The following SCFD1 variants were observed in gnomAD, a reference collection of about 807,000 sequenced individuals.
SCFD1 encodes sec1 family domain-containing protein 1.
In SCFD1, 37 loss-of-function variants were observed where a neutral mutation model predicts 103.2. The observed-to-expected ratio is 0.36, with a 90% CI of 0.28 to 0.47. The LOEUF is 0.47. Ranked by LOEUF, SCFD1 falls within the 20% of genes least tolerant of loss-of-function variation. SCFD1 has a pLI of 1.00. For synonymous variants in SCFD1, 264 were observed against 245.0 expected (o/e 1.08, Z -0.73); for missense variants, 639 against 761.2 (o/e 0.84, Z 1.89).
intron 11 of SCFD1, among the ~76,000 whole-genome samples, chr14:30,671,268 C>T (rs1888514329): frequency 6.6e-6 from 1 of 151,956 alleles, no homozygotes; most frequent in African/African-American, 2.4e-5. Flanking sequence ...TTGACTTTCT[C>T]TGCAGAGAAA....
At chr14:30,713,947 CTT>C (rs1350748396) in intron 19 of SCFD1, among the ~76,000 whole-genome samples, 1 of 152,072 alleles carries the variant, frequency 6.6e-6, no homozygotes, top group East Asian at 1.9e-4. Context: ...ATTTTAAAAT[CTT>C]TATTTAAAGC....
chr14:30,665,614 C>G (rs1887879094), intron 10 of SCFD1, among the ~76,000 whole-genome samples: 1 of 152,120 alleles, frequency 6.6e-6, no homozygotes, highest in African/African-American at 2.4e-5. Flanking sequence ...GATAAAGAGT[C>G]AAGACCCATC....
At chr14:30,650,324 T>C (rs889379606) in intron 8 of SCFD1, among the ~76,000 whole-genome samples, 52 of 152,192 alleles carry the variant, frequency 3.4e-4, no homozygotes, top group African/African-American at 1.3e-3. Flanking sequence ...AATTAGTCAA[T>C]GAAAGGTTCT....
At chr14:30,725,142 C>G (rs547992128) in intron 23 of SCFD1, among the ~76,000 whole-genome samples, 8 of 152,012 alleles carry the variant, frequency 5.3e-5, no homozygotes, top group African/African-American at 1.9e-4. Flanking sequence ...TGTTCTTTTT[C>G]CTTACGATTG....
chr14:30,683,339 A>G, intron 14 of SCFD1: 1 of 610,294 alleles, frequency 1.6e-6, no homozygotes, highest in South Asian at 1.8e-5. Flanking sequence ...AAGGGTAGTC[A>G]CTGGGGAACT....
chr14:30,642,202 C>T (rs1027539919), intron 6 of SCFD1, among the ~76,000 whole-genome samples: 1 of 152,130 alleles, frequency 6.6e-6, no homozygotes, highest in Non-Finnish European at 1.5e-5. Flanking sequence ...ATCCTCCTGC[C>T]TCAGCCTCCC....
chr14:30,700,219 T>C lies in SCFD1; in HGVS notation c.1371T>C (p.Phe457=), dbSNP rs1469610519. The C allele has an allele frequency of 1.2e-6, 2 of 1,611,632 alleles. No homozygotes were observed. The highest frequency in any genetic ancestry group is 1.7e-6 in the Non-Finnish European group (2 of 1,177,936). Residue 457 remains phenylalanine, a synonymous_variant, in exon 16 of 25, where the codon TTT becomes TTC. Coordinates refer to ENST00000458591, the MANE Select transcript of SCFD1 (RefSeq NM_016106.4). ...AGTPEDKMRL[F]LIYYISTQQA... ...CTCCAGAAGATAAAATGAGGTTGTT[T>C]CTTATCTATTATATAAGCACACAGC...
rs1166051123 is a variant in SCFD1 at position 30,664,877 on chromosome 14, C to T, written c.856-5379C>T. On this transcript the variant is annotated intron_variant, in intron 10 of 24. Coordinates refer to ENST00000458591, the MANE Select transcript of SCFD1 (RefSeq NM_016106.4). ...AGTAAAAAGAAATGAACAAAGCCTC[C>T]AAGAAATGTGGGACTATGTGAAAAG... Among the ~76,000 whole-genome samples, 4 of 152,078 alleles carry T rather than the reference C, an allele frequency of 2.6e-5. No individual in the cohort carries two copies. In the East Asian group the frequency reaches 7.7e-4, roughly 29 times the overall value.
At chr14:30,733,183 T>C (rs1014945184) in intron 23 of SCFD1, among the ~76,000 whole-genome samples, 1 of 152,060 alleles carries the variant, frequency 6.6e-6, no homozygotes, top group African/African-American at 2.4e-5. Flanking sequence ...CTAATTTTTG[T>C]ATTTTTAGTA....
At chr14:30,667,409 A>C (rs1171110179) in intron 10 of SCFD1, among the ~76,000 whole-genome samples, 1 of 152,204 alleles carries the variant, frequency 6.6e-6, no homozygotes, top group Non-Finnish European at 1.5e-5. Flanking sequence ...CGTATCTCAA[A>C]ATAATAAGAC....
chr14:30,640,626 T>C (rs1292710257), intron 6 of SCFD1, among the ~76,000 whole-genome samples: 2 of 152,080 alleles, frequency 1.3e-5, no homozygotes, highest in Non-Finnish European at 2.9e-5. Flanking sequence ...GAAAAATTGG[T>C]GTGTTGAATT....
chr14:30,636,487 T>A (rs1884734840), intron 4 of SCFD1, among the ~76,000 whole-genome samples: 1 of 152,092 alleles, frequency 6.6e-6, no homozygotes, highest in Non-Finnish European at 1.5e-5. Context: ...AAGAGACTAT[T>A]CTTTCCCTAG....
intron 14 of SCFD1, among the ~76,000 whole-genome samples, chr14:30,681,993 A>AT (rs1889525029): frequency 1.3e-5 from 2 of 152,306 alleles, no homozygotes; most frequent in South Asian, 4.1e-4. Flanking sequence ...AACTAATAGA[A>AT]TTTTTATTAT....
At chr14:30,695,440 C>T (rs960369295) in intron 15 of SCFD1, among the ~76,000 whole-genome samples, 1 of 152,060 alleles carries the variant, frequency 6.6e-6, no homozygotes, top group African/African-American at 2.4e-5. Context: ...CACATGTTCT[C>T]ACTCATGTGG....
At chr14:30,719,954 T>C (rs1041914891) in intron 21 of SCFD1, among the ~76,000 whole-genome samples, 1 of 108,300 alleles carries the variant, frequency 9.2e-6, no homozygotes, top group African/African-American at 3.5e-5. Context: ...ATAGGCAGAA[T>C]TGGGGGCAGG....
intron 15 of SCFD1, among the ~76,000 whole-genome samples, chr14:30,699,879 C>G (rs1890959857): frequency 6.6e-6 from 1 of 152,100 alleles, no homozygotes; most frequent in Non-Finnish European, 1.5e-5. Flanking sequence ...GTATGGTTAC[C>G]CTGCTTATAT....
intron 20 of SCFD1, among the ~76,000 whole-genome samples, 182 bp downstream of exon 20, chr14:30,716,159 G>A (rs1594755539): frequency 6.6e-6 from 1 of 152,118 alleles, no homozygotes; most frequent in Admixed American, 6.5e-5. Flanking sequence ...CTGGGAATTG[G>A]TTTTCTCAGC....
intron 14 of SCFD1, among the ~76,000 whole-genome samples, chr14:30,684,803 C>CTTTTTTTT (rs780577178): frequency 7.8e-4 from 43 of 54,838 alleles, no homozygotes; most frequent in African/African-American, 2.0e-3. Context: ...GCAATTGTTT[C>CTTTTTTTT]TTTTTTTTTT....
rs943093769 is a variant in SCFD1 at position 30,677,863 on chromosome 14, CAG to C, written c.1242+2801_1242+2802del. Among the ~76,000 whole-genome samples the C allele has an allele frequency of 4.9e-5, 4 of 81,938 alleles. No individual in the cohort carries two copies. In the Admixed American group the frequency reaches 5.9e-4, roughly 12 times the overall value. 53.8% of individuals were successfully genotyped at this position (81,938 alleles called of 152,430 possible). ...TTTTTTTTTTTTTTTTTTTTTGAGA[CAG>C]AGTCTCACTCTGTCACCAGGCCGGA... On this transcript the variant is annotated intron_variant, in intron 14 of 24. Transcript: ENST00000458591.
Sources: allele counts gnomAD v4.1 joint callset (sites outside exome capture counted in the v4.1 genomes callset), GRCh38; gene constraint gnomAD v4.1.1; transcripts MANE v1.5; gene names NCBI Gene and HGNC (gene_info 2026-07-23, HGNC 2026-07-21).